Variants in ITIH5 observed in about 807,000 individuals in gnomAD.
ITIH5 encodes inter-alpha-trypsin inhibitor heavy chain 5, also known as inter-alpha-trypsin inhibitor heavy chain H5.
In ITIH5, 65 loss-of-function variants were observed where a neutral mutation model predicts 77.5. The ratio of observed to expected loss-of-function variants is 0.84; its 90% CI spans 0.69 to 1.03. The LOEUF (loss-of-function observed/expected upper bound fraction) is 1.03. Among genes scored for constraint, ITIH5 ranks in the 50% least tolerant of loss-of-function variants. ITIH5 has a pLI of 0.00. For missense variants in ITIH5, 1,208 were observed against 1,213.1 expected (o/e 1.00, Z 0.06); for synonymous variants, 525 against 494.3 (o/e 1.06, Z -0.82).
chr10:7,624,953 T>C (rs963080409), intron 5 of ITIH5, among the ~76,000 whole-genome samples: 2 of 146,530 alleles, frequency 1.4e-5, no homozygotes, highest in African/African-American at 2.5e-5. Flanking sequence ...CACGTGTCCA[T>C]TGGAGACCTC....
At position 7,640,787 on chromosome 10, in the gene ITIH5, T is replaced by C; in HGVS notation, c.368A>G (p.Lys123Arg). 1 of 1,613,232 alleles carries C rather than the reference T, an allele frequency of 6.2e-7. No homozygotes were observed. Among genetic ancestry groups the C allele is most frequent in the Non-Finnish European group, 8.5e-7 (1 of 1,179,200 alleles). Residue 123 changes from lysine (K) to arginine (R), a missense_variant, in exon 4 of 14, where the codon AAA (lysine) becomes AGA (arginine). Lys to Arg is a conservative substitution (Grantham distance 26). Coordinates refer to ENST00000397146, the MANE Select transcript of ITIH5 (RefSeq NM_030569.7). The stretch of plus-strand genomic sequence containing the variant: ...TTCTGTGGTTTTATTCCTTTTCTCT[T>C]TTACCCTATCACCACTCTTCTTTTC... ...EREKKSGDRV[K>R]EKRNKTTEEN...
At chr10:7,598,837 C>CT (rs1019355956) in intron 7 of ITIH5, among the ~76,000 whole-genome samples, 4 of 152,144 alleles carry the variant, frequency 2.6e-5, no homozygotes, top group Non-Finnish European at 2.9e-5. Flanking sequence ...TCAGCCTTAA[C>CT]TTTTTTTAAA....
chr10:7,582,376 C>T (rs566398533), intron 8 of ITIH5, among the ~76,000 whole-genome samples: 3 of 152,186 alleles, frequency 2.0e-5, no homozygotes, highest in East Asian at 1.9e-4. Context: ...GCTAAGAATT[C>T]CACTGGACTA....
intron 7 of ITIH5, among the ~76,000 whole-genome samples, chr10:7,597,412 C>G (rs1464037878): frequency 6.6e-6 from 1 of 152,200 alleles, no homozygotes; most frequent in African/African-American, 2.4e-5. Flanking sequence ...AAGTTCACAA[C>G]AACAGATTCT....
At chr10:7,612,601 TCAG>T (rs1252426514) in intron 7 of ITIH5, among the ~76,000 whole-genome samples, 1 of 151,516 alleles carries the variant, frequency 6.6e-6, no homozygotes, top group Non-Finnish European at 1.5e-5. Flanking sequence ...ATAAATATCT[TCAG>T]CAAGTTATGT....
At chr10:7,563,421 A>G in intron 13 of ITIH5, 37 bp from the exon 14 acceptor site, 1 of 1,585,242 alleles carries the variant, frequency 6.3e-7, no homozygotes, top group Non-Finnish European at 8.6e-7. Context: ...TCTCAGTCAA[A>G]TGCAGAAACC....
At chr10:7,581,977 G>C (rs1832569256) in intron 8 of ITIH5, among the ~76,000 whole-genome samples, 1 of 148,644 alleles carries the variant, frequency 6.7e-6, no homozygotes, top group Non-Finnish European at 1.5e-5. Context: ...CTGTGTTCAA[G>C]CAATTCTCCT....
At chr10:7,665,048 G>C (rs1235715631) in intron 1 of ITIH5, among the ~76,000 whole-genome samples, 1 of 152,072 alleles carries the variant, frequency 6.6e-6, no homozygotes, top group Non-Finnish European at 1.5e-5. Context: ...AACGGATTAG[G>C]GATAAAAGGT....
chr10:7,562,909 A>AACCCCC lies in ITIH5; in HGVS notation c.*173_*174insGGGGGT. ...ATTTGCACTCAGGCTTCCCGCCCCT[A>AACCCCC]CCCACCCCTACCCTTCGCCCAGACA... is the stretch of plus-strand genomic sequence containing the variant. On this transcript the variant is annotated 3_prime_UTR_variant, in exon 14 of 14. Coordinates refer to ENST00000397146, the MANE Select transcript of ITIH5 (RefSeq NM_030569.7). The AACCCCC allele has an allele frequency of 1.1e-5, 6 of 551,806 alleles. No homozygotes were observed. Among genetic ancestry groups the AACCCCC allele is most frequent in the East Asian group, 3.4e-5 (1 of 29,372 alleles). 34.2% of individuals were successfully genotyped at this position (551,806 alleles called of 1,614,324 possible).
intron 7 of ITIH5, among the ~76,000 whole-genome samples, chr10:7,607,814 C>T (rs572707368): frequency 6.6e-6 from 1 of 152,154 alleles, no homozygotes; most frequent in South Asian, 2.1e-4. Flanking sequence ...AGCTCAGTCT[C>T]GAAAGAAGAA....
chr10:7,659,155 T>C (rs1339657013), intron 1 of ITIH5, among the ~76,000 whole-genome samples: 1 of 152,112 alleles, frequency 6.6e-6, no homozygotes, highest in Non-Finnish European at 1.5e-5. Context: ...GGTGAGTGGA[T>C]CACCTGAGGT....
chr10:7,614,195 GA>G (rs1301838312), intron 7 of ITIH5, among the ~76,000 whole-genome samples: 2 of 152,114 alleles, frequency 1.3e-5, no homozygotes, highest in Non-Finnish European at 2.9e-5. Context: ...AAAAGAAAAG[GA>G]ACCCAGATGG....
At chr10:7,612,377 T>C (rs1833264574) in intron 7 of ITIH5, among the ~76,000 whole-genome samples, 1 of 152,230 alleles carries the variant, frequency 6.6e-6, no homozygotes, top group Non-Finnish European at 1.5e-5. Flanking sequence ...CATATGTGAC[T>C]AGTGGCTATT....
chr10:7,569,398 C>A, intron 12 of ITIH5: 1 of 346,580 alleles, frequency 2.9e-6, no homozygotes, highest in Non-Finnish European at 5.2e-6. Flanking sequence ...TTTATATTAG[C>A]TCTGTGAGGC....
chr10:7,635,500 G>A (rs1401061789), intron 5 of ITIH5, among the ~76,000 whole-genome samples: 1 of 152,130 alleles, frequency 6.6e-6, no homozygotes, highest in African/African-American at 2.4e-5. Context: ...CTAAATGCCA[G>A]GTACCTTGAC....
chr10:7,619,579 A>G, intron 5 of ITIH5: 1 of 387,576 alleles, frequency 2.6e-6, no homozygotes. Flanking sequence ...TAATTGACTC[A>G]CAGTTCCGCA....
chr10:7,573,269 G>C, intron 10 of ITIH5, 74 bp from the exon 11 acceptor site: 1 of 1,265,174 alleles, frequency 7.9e-7, no homozygotes, highest in Non-Finnish European at 1.2e-6. Context: ...AAGGGAGAGA[G>C]GAGACATGAG....
intron 7 of ITIH5, among the ~76,000 whole-genome samples, chr10:7,589,812 A>C (rs1016048480): frequency 4.6e-5 from 7 of 152,048 alleles, no homozygotes; most frequent in African/African-American, 1.7e-4. Flanking sequence ...AGCACTCTGC[A>C]GAAGACATTG....
intron 7 of ITIH5, among the ~76,000 whole-genome samples, chr10:7,587,241 G>A (rs1020525882): frequency 3.9e-5 from 6 of 152,168 alleles, no homozygotes; most frequent in Non-Finnish European, 7.4e-5. Context: ...CAGCTGTGAC[G>A]AATGGAAAGA....
Sources: allele counts gnomAD v4.1 joint callset (sites outside exome capture counted in the v4.1 genomes callset), GRCh38; gene constraint gnomAD v4.1.1; transcripts MANE v1.5; gene names NCBI Gene and HGNC (gene_info 2026-07-23, HGNC 2026-07-21).